Variants in SKP2 observed in about 807,000 individuals in gnomAD.
The protein encoded by SKP2 is S-phase kinase associated protein 2.
A neutral mutation model predicts 51.8 loss-of-function variants in SKP2; 16 were observed. The ratio of observed to expected loss-of-function variants is 0.31; its 90% CI spans 0.21 to 0.47. The LOEUF (loss-of-function observed/expected upper bound fraction) is 0.47, where lower values mean the gene tolerates loss of function less well. Among genes scored for constraint, SKP2 ranks in the 20% least tolerant of loss-of-function variants. SKP2 has a pLI of 1.00. For missense variants in SKP2, 377 were observed against 505.3 expected, an observed-to-expected ratio of 0.75 and a Z score of 2.43; for synonymous variants, 176 against 198.6, an observed-to-expected ratio of 0.89 and a Z score of 0.96.
chr5:36,177,299 A>G lies in SKP2; in HGVS notation c.1061+7A>G. The G allele has an allele frequency of 1.3e-6, 2 of 1,538,388 alleles. No individual in the cohort carries two copies. The highest frequency in any genetic ancestry group is 9.0e-7 in the Non-Finnish European group (1 of 1,111,736). On this transcript the variant is annotated splice_region_variant and intron_variant, in intron 9 of 9. Coordinates refer to ENST00000274255, the MANE Select transcript of SKP2 (RefSeq NM_005983.4). ...TAATACCTGAAACTTTACTGTAAGTATGTTTTGTTTTTAATGCTTAATAGA... is the reference window on the plus strand; with the variant it reads ...TAATACCTGAAACTTTACTGTAAGTGTGTTTTGTTTTTAATGCTTAATAGA...
chr5:36,174,192 C>A (rs559380741), intron 7 of SKP2, among the ~76,000 whole-genome samples: 2 of 152,222 alleles, frequency 1.3e-5, no homozygotes, highest in South Asian at 4.1e-4. Context: ...TAGCTGAAAT[C>A]ATCTCTCCTT....
intron 5 of SKP2, among the ~76,000 whole-genome samples, chr5:36,168,689 G>A (rs533152336): frequency 4.0e-4 from 61 of 152,342 alleles, no homozygotes; most frequent in Non-Finnish European, 7.6e-4. Context: ...AACAATGCAT[G>A]TGTATTATTT....
chr5:36,170,296 A>C, intron 5 of SKP2, 48 bp from the exon 6 acceptor site: 1 of 1,070,040 alleles, frequency 9.3e-7, no homozygotes, highest in Middle Eastern at 2.0e-4. Context: ...TTGTTGATGA[A>C]TAGTGTCTTA....
chr5:36,166,486 G>A lies in SKP2; in HGVS notation c.393-33G>A, dbSNP rs545877913. ...AGGGCTTCCAGCATTTAGTGTGACC[G>A]ACTGGCCAAATTAAGTATCTCCTCT... On this transcript the variant is annotated intron_variant, in intron 3 of 9. Coordinates refer to ENST00000274255, the MANE Select transcript of SKP2 (RefSeq NM_005983.4). 6.0e-5 allele frequency: 96 copies of A among 1,608,314 alleles called. No homozygotes were observed. In the South Asian group the frequency reaches 6.7e-4, roughly 11 times the overall value.
intron 9 of SKP2, chr5:36,180,352 T>G: frequency 1.2e-6 from 1 of 859,698 alleles, no homozygotes; most frequent in Admixed American, 2.2e-5. Context: ...GTTTCTACAT[T>G]CCAGAAAGCA....
chr5:36,168,569 G>C, intron 5 of SKP2, 122 bp downstream of exon 5: 5 of 913,572 alleles, frequency 5.5e-6, no homozygotes, highest in Non-Finnish European at 8.5e-6. Context: ...ATCTAGTGCA[G>C]TGCTCTAGCT....
intron 1 of SKP2, 139 bp from the exon 2 acceptor site, chr5:36,152,632 G>T: frequency 3.5e-6 from 3 of 849,432 alleles, no homozygotes; most frequent in East Asian, 5.0e-5. Flanking sequence ...GTAACTCGCC[G>T]CAGGCACATA....
At chr5:36,178,269 A>G (rs1346138498) in intron 9 of SKP2, among the ~76,000 whole-genome samples, 1 of 152,174 alleles carries the variant, frequency 6.6e-6, no homozygotes, top group Non-Finnish European at 1.5e-5. Flanking sequence ...TCCAGCTCCT[A>G]GGTAGGAAGG....
chr5:36,186,354 G>GT (rs1382464503), downstream of SKP2, among the ~76,000 whole-genome samples: 2 of 152,166 alleles, frequency 1.3e-5, no homozygotes, highest in Non-Finnish European at 2.9e-5. Context: ...AATGCTTCCA[G>GT]TTTTTGCCCA....
Position 36,184,068 on chromosome 5 carries a change from CTTTTT to C in SKP2, c.*2040_*2044del. On this transcript the variant is annotated 3_prime_UTR_variant, in exon 10 of 10. Transcript: ENST00000274255. The stretch of plus-strand genomic sequence containing the variant: ...TAAGTTGTATTCCTTTTTTCTTTCT[CTTTTT>C]TTAAGTGCTGTGGTTAAAATTTGAA... The C allele has an allele frequency of 1.1e-6, 1 of 949,898 alleles. No individual in the cohort carries two copies. The highest frequency in any genetic ancestry group is 1.6e-6 in the Non-Finnish European group (1 of 636,664). The allele number at this position is 949,898 out of a possible 1,614,324, so 58.8% of individuals were successfully genotyped here. A position where few individuals can be genotyped will look rare whatever the true frequency, so the allele number is the denominator to read the frequency against.
chr5:36,158,133 C>A (rs911490173), intron 2 of SKP2, among the ~76,000 whole-genome samples: 1 of 152,190 alleles, frequency 6.6e-6, no homozygotes, highest in African/African-American at 2.4e-5. Context: ...TCATTGAAGA[C>A]TGGAGACCTT....
At chr5:36,172,319 C>G (rs1210255346) in intron 7 of SKP2, among the ~76,000 whole-genome samples, 5 of 152,070 alleles carry the variant, frequency 3.3e-5, no homozygotes, top group Admixed American at 6.5e-5. Flanking sequence ...TTTATTCAGT[C>G]CAAGAGGGCA....
intron 7 of SKP2, among the ~76,000 whole-genome samples, chr5:36,176,614 G>T (rs1190077282): frequency 6.6e-6 from 1 of 151,710 alleles, no homozygotes; most frequent in African/African-American, 2.4e-5. Flanking sequence ...TTGATCTGAG[G>T]TGCTACCTTT....
At chr5:36,189,442 A>G (rs537308989) in intron 6 of SKP2, among the ~76,000 whole-genome samples, 8 of 152,328 alleles carry the variant, frequency 5.3e-5, no homozygotes, top group Non-Finnish European at 7.3e-5. Flanking sequence ...TCTAACAGTC[A>G]GGACCCTCAG....
At chr5:36,173,165 GATATGCAATAATTT>G (rs1185147380) in intron 7 of SKP2, among the ~76,000 whole-genome samples, 1 of 151,866 alleles carries the variant, frequency 6.6e-6, no homozygotes, top group Non-Finnish European at 1.5e-5. Context: ...CCATCAAATA[GATATGCAATAATTT>G]ATATTAAGTC....
chr5:36,166,105 A>C (rs563359148), intron 3 of SKP2, among the ~76,000 whole-genome samples: 3 of 152,320 alleles, frequency 2.0e-5, no homozygotes, highest in East Asian at 3.9e-4. Flanking sequence ...CAGTAATCAT[A>C]ATTGCTTGAC....
At chr5:36,166,155 A>G (rs1184306502) in intron 3 of SKP2, among the ~76,000 whole-genome samples, 3 of 152,162 alleles carry the variant, frequency 2.0e-5, no homozygotes, top group Non-Finnish European at 4.4e-5. Flanking sequence ...AGAGGATCCT[A>G]TTTGCCTAGT....
intron 2 of SKP2, among the ~76,000 whole-genome samples, chr5:36,157,608 A>G (rs1321420259): frequency 6.6e-6 from 1 of 152,198 alleles, no homozygotes; most frequent in East Asian, 1.9e-4. Flanking sequence ...GGGTATTGCT[A>G]CTTAAAACAA....
intron 6 of SKP2, among the ~76,000 whole-genome samples, chr5:36,191,897 T>C (rs1283292856): frequency 1.8e-5 from 2 of 112,944 alleles, no homozygotes; most frequent in South Asian, 4.3e-4. Context: ...TAAAAGCCTA[T>C]ACTAATATTA....
Sources: gnomAD v4.1 joint callset for allele counts (sites outside exome capture counted in the v4.1 genomes callset) on GRCh38, gnomAD v4.1.1 for gene constraint, MANE v1.5 for transcripts, NCBI Gene and HGNC (gene_info 2026-07-23, HGNC 2026-07-21) for gene names.